The following MUC4 variants were observed in gnomAD, a reference collection of about 807,000 sequenced individuals.
MUC4 encodes mucin 4, cell surface associated, also known as mucin-4.
Under a neutral mutation model 257.9 loss-of-function variants are expected in MUC4, and 202 were observed. That is an observed-to-expected ratio of 0.78 (90% CI 0.70 to 0.88). The LOEUF is 0.88. MUC4 is among the 40% of genes least tolerant of loss of function. The probability of loss-of-function intolerance (pLI) is 0.00; values close to 1 mark genes in which losing one functional copy is unlikely to be tolerated. For missense variants in MUC4, 5,976 were observed against 6,513.7 expected, an observed-to-expected ratio of 0.92 and a Z score of 2.84; for synonymous variants, 2,351 against 2,757.1, an observed-to-expected ratio of 0.85 and a Z score of 4.62.
At position 195,783,645 on chromosome 3, in the gene MUC4, G is replaced by C; in HGVS notation, c.7935C>G (p.Asp2645Glu). 2.8e-6 allele frequency: 1 copy of C among 353,496 alleles called. No homozygotes were observed. The highest frequency in any genetic ancestry group is 2.6e-5 in the South Asian group (1 of 37,988). The allele number at this position is 353,496 out of a possible 1,614,324, so 21.9% of individuals were successfully genotyped here. The change falls in exon 2 of 25, where the codon GAC becomes GAG. Residue 2645 changes from aspartate (D) to glutamate (E), a missense_variant. Asp to Glu is a conservative substitution (Grantham distance 45). Around this residue, in one of 44 missense-constraint regions of MUC4, gnomAD observed 75 missense variants for 58.7 expected, o/e 1.28. Transcript: ENST00000463781. ...TGHATPLLVTDASSASTGQAT... is the reference protein window; with the variant it reads ...TGHATPLLVTEASSASTGQAT... Reference sequence around the variant, plus strand: ...CCTGACCTGTGGATGCTGAGGAAGCGTCGGTGACAAGAAGAGGAGTGGCGT... The same window carrying C: ...CCTGACCTGTGGATGCTGAGGAAGCCTCGGTGACAAGAAGAGGAGTGGCGT...
chr3:195,767,463 TACCACCACCATCACCATC>T (rs1285144117), intron 7 of MUC4, among the ~76,000 whole-genome samples: 593 of 37,324 alleles, frequency 0.016, 6 homozygotes, highest in African/African-American at 0.048. Flanking sequence ...CCACCAACAC[TACCACCACCATCACCATC>T]ACCACCACCA....
intron 18 of MUC4, among the ~76,000 whole-genome samples, chr3:195,756,820 G>A (rs933186732): frequency 5.3e-5 from 8 of 152,044 alleles, no homozygotes; most frequent in African/African-American, 1.7e-4. Context: ...CTGCCACCAC[G>A]CCCAGCTAAT....
intron 7 of MUC4, among the ~76,000 whole-genome samples, chr3:195,767,938 T>TACC (rs763983469): frequency 4.9e-4 from 33 of 66,732 alleles, no homozygotes; most frequent in African/African-American, 7.9e-4. Context: ...CCACCGCCAC[T>TACC]ACCACCACCA....
chr3:195,787,589 CAGGAAG>C lies in MUC4; in HGVS notation c.3985_3990del (p.Leu1329_Pro1330del). 1 of 536,106 alleles carries C rather than the reference CAGGAAG, an allele frequency of 1.9e-6. No individual in the cohort carries two copies. The highest frequency in any genetic ancestry group is 2.6e-6 in the Non-Finnish European group (1 of 387,224). 33.2% of individuals were successfully genotyped at this position (536,106 alleles called of 1,614,324 possible). The stretch of plus-strand genomic sequence containing the variant: ...GTGGATGCTGAGGAAGGGCTAGTGA[CAGGAAG>C]AGGCATGGTGTCACCTGTGGATGCT... On this transcript the variant is annotated inframe_deletion, in exon 2 of 25. Coordinates refer to ENST00000463781, the MANE Select transcript of MUC4 (RefSeq NM_018406.7).
At position 195,762,964 on chromosome 3, in the gene MUC4, G is replaced by A. The variant is rs377661943; in HGVS notation, c.14254-19C>T. On this transcript the variant is annotated intron_variant, in intron 12 of 24. Coordinates refer to ENST00000463781, the MANE Select transcript of MUC4 (RefSeq NM_018406.7). ...ATTGGACCTGGAAGGAGATGGGAGG[G>A]GGCCTGAGCCCGACCCGCAGGTGGA... 4 of 1,533,972 alleles carry A rather than the reference G, an allele frequency of 2.6e-6. No homozygotes were observed. The African/African-American group carries it at 4.1e-5, about 16-fold the overall frequency.
chr3:195,798,474 T>A (rs1229248656), intron 1 of MUC4, among the ~76,000 whole-genome samples: 1 of 151,954 alleles, frequency 6.6e-6, no homozygotes, highest in African/African-American at 2.4e-5. Context: ...GAGGCTGAGG[T>A]GGGCGGATCA....
In MUC4 at chr3:195,770,325, G is replaced by T. The variant is rs1203836496; in HGVS notation, c.13289C>A (p.Ala4430Asp). ...YGEHSLLVQQ[A>D]ESWIRKMTNN... ...TGTCATCTTTCTAATCCAAGACTCG[G>T]CCTGCTGGACTAGCAGGCTGTGTTC... Residue 4430 changes from alanine (A) to aspartate (D), a missense_variant, in exon 6 of 25, where the codon GCC becomes GAC. Ala to Asp is a moderately radical substitution (Grantham distance 126). Transcript: ENST00000463781. The T allele has an allele frequency of 1.9e-6, 3 of 1,613,926 alleles. No individual in the cohort carries two copies. Among genetic ancestry groups the T allele is most frequent in the Admixed American group, 1.7e-5 (1 of 59,986 alleles).
Position 195,788,769 on chromosome 3 carries a change from G to A in MUC4, c.2811C>T (p.Pro937=). 2 of 1,613,922 alleles carry A rather than the reference G, an allele frequency of 1.2e-6. No homozygotes were observed. Among genetic ancestry groups the A allele is most frequent in the Non-Finnish European group, 1.7e-6 (2 of 1,179,840 alleles). ...QATDTFSTVP[P]TPPSITSTGL... is the part of the protein sequence containing the mutation. ...CAGTGGATGTGATCGATGGAGGTGT[G>A]GGTGGGACTGTTGAGAAGGTGTCGG... Residue 937 remains proline, a synonymous_variant, in exon 2 of 25, where the codon CCC becomes CCT. Coordinates refer to ENST00000463781, the MANE Select transcript of MUC4 (RefSeq NM_018406.7).
In MUC4 at chr3:195,790,282, G is replaced by A; in HGVS notation, c.1298C>T (p.Thr433Ile). Residue 433 changes from threonine to isoleucine, a missense_variant, in exon 2 of 25, where the codon ACT becomes ATT. Transcript: ENST00000463781. ...SKVSTIWWSD[T>I]LSTALSPSSL... is the part of the protein sequence containing the mutation. ...ACTGGGGGAGAGTGCTGTTGACAGA[G>A]TGTCTGACCACCATATGGTTGAAAC... 6.2e-7 allele frequency: 1 copy of A among 1,614,020 alleles called. No individual in the cohort carries two copies. Among genetic ancestry groups the A allele is most frequent in the Non-Finnish European group, 8.5e-7 (1 of 1,179,890 alleles).
At position 195,757,187 on chromosome 3, in the gene MUC4, A is replaced by T. The variant is rs370459734; in HGVS notation, c.15128T>A (p.Leu5043Ter). 5.0e-6 allele frequency: 8 copies of T among 1,610,908 alleles called. No homozygotes were observed. In the African/African-American group the frequency reaches 1.1e-4, roughly 22 times the overall value. The change falls in exon 18 of 25, where the codon TTG becomes TAG. Residue 5043 changes from leucine to a stop codon, truncating the protein, a stop_gained. Coordinates refer to ENST00000463781, the MANE Select transcript of MUC4 (RefSeq NM_018406.7). LOFTEE classifies it high-confidence loss of function. The surrounding 1 kb of genome is among the most constrained non-coding windows in gnomAD (Gnocchi z 4.8). Reference sequence around the variant, plus strand: ...GCCCACCCTGCTGGTCTGATTGTACAAACACTGGCTCTCTGCATTGCAATG... The same window carrying T: ...GCCCACCCTGCTGGTCTGATTGTACTAACACTGGCTCTCTGCATTGCAATG... ...VCHCNAESQCLYNQTSRVGNS... is the reference protein window; with the variant it reads ...VCHCNAESQC
rs1553873425 is a variant in MUC4 at position 195,781,293 on chromosome 3, G to A, written c.10287C>T (p.Ser3429=). ...TGHATPLPVT[S]TSSASTGHAT... ...CGTGACCGGTGGATGCTGAGGAAGT[G>A]CTGGTGACAGGAAGAGGGGTGGCGT... The change falls in exon 2 of 25, where the codon AGC becomes AGT. Residue 3429 remains serine, a synonymous_variant. Transcript: ENST00000463781. 1.4e-6 allele frequency: 2 copies of A among 1,422,936 alleles called. No individual in the cohort carries two copies. The highest frequency in any genetic ancestry group is 2.1e-5 in the Admixed American group (1 of 46,782). 88.1% of individuals were successfully genotyped at this position (1,422,936 alleles called of 1,614,324 possible).
At chr3:195,778,691 CA>C (rs1230588487) in intron 2 of MUC4, 98 bp downstream of exon 2, 1 of 1,388,220 alleles carries the variant, frequency 7.2e-7, no homozygotes, top group Non-Finnish European at 9.8e-7. Context: ...ACGGCCCCAC[CA>C]GGTAATGCGA....
intron 1 of MUC4, among the ~76,000 whole-genome samples, chr3:195,808,170 A>G (rs921964900): frequency 1.3e-5 from 2 of 152,050 alleles, no homozygotes; most frequent in Non-Finnish European, 2.9e-5. Context: ...TCCGGGTTCA[A>G]TCACCCTCCT....
chr3:195,782,258 T>G lies in MUC4; in HGVS notation c.9322A>C (p.Thr3108Pro), dbSNP rs1728520578. The change falls in exon 2 of 25, where the codon ACT becomes CCT. Residue 3108 changes from threonine to proline, a missense_variant. Transcript: ENST00000463781. ...CCTGTGGATGCTGAGGAAGGGCTAG[T>G]GACAGGAAGAGGCGTGGTGTCACCT... Reference protein sequence around the residue: ...STGDTTPLPVTSPSSASTGHT... With the variant: ...STGDTTPLPVPSPSSASTGHT... 2 of 1,532,016 alleles carry G rather than the reference T, an allele frequency of 1.3e-6. 1 individual carries two copies. Among genetic ancestry groups the G allele is most frequent in the Non-Finnish European group, 1.8e-6 (2 of 1,138,610 alleles). The allele number at this position is 1,532,016 out of a possible 1,614,324, so 94.9% of individuals were successfully genotyped here.
rs375097834 is a variant in MUC4 at position 195,774,246 on chromosome 3, C to T, written c.13003G>A (p.Val4335Met). ...TTGAAGAGTGGGGAGGTGAAGTCCA[C>T]GGTCCTCCTGACGAACTCCAGGTCC... ...AGDLEFVRRTVDFTSPLFKPA... is the reference protein window; with the variant it reads ...AGDLEFVRRTMDFTSPLFKPA... The change falls in exon 4 of 25, where the codon GTG (valine) becomes ATG (methionine). Residue 4335 changes from valine (V) to methionine (M), a missense_variant. Physicochemically the swap from Val to Met is conservative, Grantham distance 21 (BLOSUM62 1). Around this residue, in one of 44 missense-constraint regions of MUC4, gnomAD observed 233 missense variants for 171.2 expected, o/e 1.36. Coordinates refer to ENST00000463781, the MANE Select transcript of MUC4 (RefSeq NM_018406.7). 1.8e-5 allele frequency: 29 copies of T among 1,601,718 alleles called. No homozygotes were observed. In the Admixed American group the frequency reaches 1.9e-4, roughly 11 times the overall value.
rs569653950 is a variant in MUC4 at position 195,795,420 on chromosome 3, A to T, written c.83-3923T>A. On this transcript the variant is annotated intron_variant, in intron 1 of 24. Coordinates refer to ENST00000463781, the MANE Select transcript of MUC4 (RefSeq NM_018406.7). ...AGCTCCATTTCAGCAATATGGAAGA[A>T]GAGATAAGCCTCTAATAGCAAAACC... Among the ~76,000 whole-genome samples the T allele has an allele frequency of 2.6e-5, 4 of 152,300 alleles. No individual in the cohort carries two copies. The South Asian group carries it at 8.3e-4, about 32-fold the overall frequency.
intron 18 of MUC4, among the ~76,000 whole-genome samples, 163 bp from the exon 19 acceptor site, chr3:195,754,535 C>G (rs1717126692): frequency 6.6e-6 from 1 of 152,256 alleles, no homozygotes; most frequent in African/African-American, 2.4e-5. Context: ...CGTGGGGCGG[C>G]AAGGCCCTGC....
rs549064418 is a variant in MUC4 at position 195,779,500 on chromosome 3, G to C, written c.12080C>G (p.Thr4027Arg). ...GACAGGAACAGGGGTGGCGTGACCT[G>C]TGGATGCTGAGGAAGGGCTGGTGAC... The part of the protein sequence containing the change: ...LPVTSPSSAS[T>R]GHATPVPVTS... Residue 4027 changes from threonine to arginine, a missense_variant, in exon 2 of 25, where the codon ACA becomes AGA. Around this residue, in one of 44 missense-constraint regions of MUC4, gnomAD observed 293 missense variants for 294.5 expected, o/e 1.00. Transcript: ENST00000463781. 3.1e-6 allele frequency: 4 copies of C among 1,284,974 alleles called. 1 individual carries two copies. The highest frequency in any genetic ancestry group is 3.2e-5 in the African/African-American group (2 of 63,234). 79.6% of individuals were successfully genotyped at this position (1,284,974 alleles called of 1,614,324 possible).
At position 195,810,651 on chromosome 3, in the gene MUC4, C is replaced by A. The variant is rs868774247; in HGVS notation, c.82+1085G>T. 1.3e-5 allele frequency among the ~76,000 whole-genome samples: 2 copies of A among 152,164 alleles called. No homozygotes were observed. Among genetic ancestry groups the A allele is most frequent in the African/African-American group, 2.4e-5 (1 of 41,426 alleles). On this transcript the variant is annotated intron_variant, in intron 1 of 24. Transcript: ENST00000463781. The surrounding 1 kb of genome is among the most constrained non-coding windows in gnomAD (Gnocchi z 4.2). ...TAAGAAGCCCACGGCCAGCACCTCCCGGCCCTCTGCGCCCTGGCCGCCTCC... is the reference window on the plus strand; with the variant it reads ...TAAGAAGCCCACGGCCAGCACCTCCAGGCCCTCTGCGCCCTGGCCGCCTCC...
Sources: allele counts gnomAD v4.1 joint callset (sites outside exome capture counted in the v4.1 genomes callset), GRCh38; gene constraint gnomAD v4.1.1; regional missense constraint gnomAD v4.1.1; non-coding constraint Gnocchi (gnomAD v3.1); transcripts MANE v1.5; gene names NCBI Gene and HGNC (gene_info 2026-07-23, HGNC 2026-07-21).